The following ABCC8 variants were observed in gnomAD, a reference collection of about 807,000 sequenced individuals.
The protein encoded by ABCC8 is ATP-binding cassette sub-family C member 8.
In ABCC8, 137 loss-of-function variants were observed where a neutral mutation model predicts 188.0. The ratio of observed to expected loss-of-function variants is 0.73; its 90% CI spans 0.63 to 0.84. The LOEUF is 0.84. ABCC8 is among the 40% of genes least tolerant of loss of function. The pLI is 0.00. For synonymous variants in ABCC8, 797 were observed against 846.5 expected (o/e 0.94, Z 1.01); for missense variants, 1,750 against 2,072.7 (o/e 0.84, Z 3.02).
chr11:17,405,663 T>C, intron 26 of ABCC8, 100 bp from the exon 27 acceptor site: 2 of 1,591,810 alleles, frequency 1.3e-6, no homozygotes, highest in Non-Finnish European at 1.7e-6. Flanking sequence ...GTCTCTGGAG[T>C]CATTCATGGG....
chr11:17,463,782 G>A (rs182165314), intron 3 of ABCC8, 178 bp from the exon 4 acceptor site: 64 of 248,946 alleles, frequency 2.6e-4, no homozygotes, highest in Middle Eastern at 2.0e-3. Context: ...CTAAGATGAC[G>A]CACGTACGTC....
At chr11:17,460,353 A>G (rs923558350) in intron 6 of ABCC8, 135 bp downstream of exon 6, 207 of 1,359,928 alleles carry the variant, frequency 1.5e-4, no homozygotes, top group Non-Finnish European at 4.6e-5. Flanking sequence ...TGGTGGGGAT[A>G]CTGCTATGGG....
At chr11:17,456,287 C>T (rs1283910951) in intron 6 of ABCC8, among the ~76,000 whole-genome samples, 3 of 152,184 alleles carry the variant, frequency 2.0e-5, no homozygotes, top group Non-Finnish European at 2.9e-5. Flanking sequence ...TTCATGCCCC[C>T]ATGTACTTTC....
At chr11:17,410,187 T>C in intron 22 of ABCC8, 1 of 301,094 alleles carries the variant, frequency 3.3e-6, no homozygotes, top group Non-Finnish European at 6.4e-6. Flanking sequence ...TCCCCATGAC[T>C]GCGGGGATGG....
At chr11:17,425,464 G>T (rs1955539600) in intron 16 of ABCC8, among the ~76,000 whole-genome samples, 1 of 152,162 alleles carries the variant, frequency 6.6e-6, no homozygotes, top group Non-Finnish European at 1.5e-5. Context: ...AGAAATGATT[G>T]GTAGGGAAAG....
chr11:17,448,567 C>G lies in ABCC8; in HGVS notation c.1281G>C (p.Gln427His). 6.2e-7 allele frequency: 1 copy of G among 1,614,180 alleles called. No homozygotes were observed. The highest frequency in any genetic ancestry group is 8.5e-7 in the Non-Finnish European group (1 of 1,180,028). The change falls in exon 8 of 39, where the codon CAG becomes CAC. Residue 427 changes from glutamine to histidine, a missense_variant. Transcript: ENST00000389817. ...GGCACAAGAAGAAAAACCACATGAGCTGATTGGTGTCGATGGCAACCAGAT... is the reference window on the plus strand; with the variant it reads ...GGCACAAGAAGAAAAACCACATGAGGTGATTGGTGTCGATGGCAACCAGAT... ...ICNLVAIDTN[Q>H]LMWFFFLCPN... is the part of the protein sequence containing the mutation.
intron 29 of ABCC8, among the ~76,000 whole-genome samples, chr11:17,401,079 G>C (rs568698989): frequency 1.1e-3 from 166 of 152,334 alleles, no homozygotes; most frequent in Non-Finnish European, 2.1e-3. Context: ...CTGTTTACAG[G>C]AAGCTGGGAT....
intron 16 of ABCC8, among the ~76,000 whole-genome samples, chr11:17,421,063 T>C (rs991783953): frequency 1.3e-5 from 2 of 152,234 alleles, no homozygotes; most frequent in African/African-American, 4.8e-5. Flanking sequence ...CTTCAGCAGA[T>C]GGACCCTTTG....
At chr11:17,436,544 G>T (rs1024410390) in intron 10 of ABCC8, among the ~76,000 whole-genome samples, 4 of 151,932 alleles carry the variant, frequency 2.6e-5, no homozygotes, top group Admixed American at 6.6e-5. Context: ...ATTTGATTTA[G>T]AAAAAAACAA....
At chr11:17,463,294 C>G (rs1847937602) in intron 4 of ABCC8, 144 bp downstream of exon 4, 5 of 711,356 alleles carry the variant, frequency 7.0e-6, no homozygotes, top group Non-Finnish European at 1.2e-5. Flanking sequence ...CCGCCACGGC[C>G]CCACTCCCCT....
At chr11:17,401,613 T>G (rs1439362129) in intron 29 of ABCC8, among the ~76,000 whole-genome samples, 1 of 152,206 alleles carries the variant, frequency 6.6e-6, no homozygotes, top group Non-Finnish European at 1.5e-5. Context: ...ACTGTCATAC[T>G]TCGTGCAGCT....
chr11:17,397,174 CT>C lies in ABCC8; in HGVS notation c.3988+18del, dbSNP rs1293729034. 10 of 1,613,504 alleles carry C rather than the reference CT, an allele frequency of 6.2e-6. No individual in the cohort carries two copies. In the Admixed American group the frequency reaches 1.0e-4, roughly 16 times the overall value. On this transcript the variant is annotated intron_variant, in intron 32 of 38. Transcript: ENST00000389817. ...CTCCTCCTTGGACTCTTCCCCACCCCTCTCCCTGAGCCTCTCACCCAGGAGC... is the reference window on the plus strand; with the variant it reads ...CTCCTCCTTGGACTCTTCCCCACCCCCTCCCTGAGCCTCTCACCCAGGAGC...
chr11:17,417,849 A>G (rs1297288839), intron 16 of ABCC8, among the ~76,000 whole-genome samples: 8 of 152,054 alleles, frequency 5.3e-5, no homozygotes, highest in African/African-American at 1.9e-4. Context: ...TCCTGGGCTC[A>G]AGCGATCCTC....
At chr11:17,416,830 C>G in intron 17 of ABCC8, 100 bp downstream of exon 17, 1 of 1,527,524 alleles carries the variant, frequency 6.5e-7, no homozygotes, top group Admixed American at 1.7e-5. Context: ...CTGCACATCC[C>G]TGAATCCATA....
intron 17 of ABCC8, among the ~76,000 whole-genome samples, chr11:17,416,565 T>C (rs1005760067): frequency 6.6e-6 from 1 of 152,170 alleles, no homozygotes; most frequent in Non-Finnish European, 1.5e-5. Flanking sequence ...AAAACATTTT[T>C]ATCTTCCCCA....
intron 10 of ABCC8, 89 bp downstream of exon 10, chr11:17,442,631 T>C: frequency 7.5e-7 from 1 of 1,342,222 alleles, no homozygotes; most frequent in Non-Finnish European, 1.1e-6. Context: ...CCTGCTTCTG[T>C]CCCTGCACCC....
At position 17,463,499 on chromosome 11, in the gene ABCC8, C is replaced by T; in HGVS notation, c.518G>A (p.Gly173Glu). The change falls in exon 4 of 39, where the codon GGG becomes GAG. Residue 173 changes from glycine (G) to glutamate (E), a missense_variant. Transcript: ENST00000389817. ...GFSQLRFCLT[G>E]LLVILYGMLL... is the part of the protein sequence containing the mutation. Reference sequence around the variant, plus strand: ...CATCCCATAGAGGATCACCAGCAGCCCTGTGAGGCAGAAGCGTAGCTGCGA... The same window carrying T: ...CATCCCATAGAGGATCACCAGCAGCTCTGTGAGGCAGAAGCGTAGCTGCGA... The T allele has an allele frequency of 6.2e-7, 1 of 1,603,784 alleles. No homozygotes were observed. Among genetic ancestry groups the T allele is most frequent in the South Asian group, 1.1e-5 (1 of 88,666 alleles).
intron 28 of ABCC8, among the ~76,000 whole-genome samples, chr11:17,403,414 G>A (rs542106427): frequency 6.6e-6 from 1 of 152,252 alleles, no homozygotes; most frequent in East Asian, 1.9e-4. Flanking sequence ...TGTTTCTCTG[G>A]CAGAAGAAAT....
chr11:17,404,762 T>A lies in ABCC8; in HGVS notation c.3400-93A>T. The A allele has an allele frequency of 6.6e-7, 1 of 1,516,318 alleles. No individual in the cohort carries two copies. Among genetic ancestry groups the A allele is most frequent in the Non-Finnish European group, 8.9e-7 (1 of 1,118,936 alleles). 93.9% of individuals were successfully genotyped at this position (1,516,318 alleles called of 1,614,324 possible). A position where few individuals can be genotyped will look rare whatever the true frequency, so the allele number is the denominator to read the frequency against. On this transcript the variant is annotated intron_variant, in intron 27 of 38. Coordinates refer to ENST00000389817, the MANE Select transcript of ABCC8 (RefSeq NM_000352.6). The surrounding 1 kb of genome is among the most constrained non-coding windows in gnomAD (Gnocchi z 4.7). ...CGCCATGTTTTGCTCTCACTTTATT[T>A]TTTGATCCTTTATTTTTTTGAGACT...
Sources: gnomAD v4.1 joint callset for allele counts (sites outside exome capture counted in the v4.1 genomes callset) on GRCh38, gnomAD v4.1.1 for gene constraint, Gnocchi (gnomAD v3.1) non-coding constraint, MANE v1.5 for transcripts, NCBI Gene and HGNC (gene_info 2026-07-23, HGNC 2026-07-21) for gene names.